Variants in DMD observed in about 807,000 individuals in gnomAD.
The protein encoded by DMD is dystrophin, also known as mutant dystrophin.
Under a neutral mutation model 330.1 loss-of-function variants are expected in DMD, and 63 were observed. The ratio of observed to expected loss-of-function variants is 0.19; its 90% CI spans 0.16 to 0.24. The LOEUF is 0.24. Among genes scored for constraint, DMD ranks in the 10% least tolerant of loss-of-function variants. DMD has a pLI of 1.00. For synonymous variants in DMD, 1,223 were observed against 959.8 expected (o/e 1.27, Z -5.07); for missense variants, 3,344 against 2,684.1 (o/e 1.25, Z -5.43).
At chrX:31,255,916 C>T (rs761959486) in intron 63 of DMD, among the ~76,000 whole-genome samples, 1 of 108,791 alleles carries the variant, frequency 9.2e-6, no homozygotes, top group South Asian at 4.2e-4. Flanking sequence ...GCTGGGATTA[C>T]AGGCATGTGC....
intron 15 of DMD, among the ~76,000 whole-genome samples, chrX:32,566,151 T>C (rs752864993): frequency 3.5e-4 from 39 of 112,018 alleles, no homozygotes; most frequent in African/African-American, 1.1e-3. Context: ...CTTGAAATAT[T>C]TGAAGAAAAT....
chrX:32,543,092 G>A (rs757771551), intron 17 of DMD, among the ~76,000 whole-genome samples: 9 of 111,721 alleles, frequency 8.1e-5, no homozygotes, highest in Non-Finnish European at 1.3e-4. Context: ...TATTTTGGGA[G>A]GTTACTGGGA....
In DMD at chrX:32,255,962, A is replaced by C. The variant is rs141357136; in HGVS notation, c.6290+31567T>G. On this transcript the variant is annotated intron_variant, in intron 43 of 78. Coordinates refer to ENST00000357033, the MANE Select transcript of DMD (RefSeq NM_004006.3). ...AACTGTGAAATCATTTGTCCTCCAA[A>C]AGCTTGGATTTAAAATATAACAGAT... Among the ~76,000 whole-genome samples, 613 of 111,635 alleles carry C rather than the reference A, an allele frequency of 5.5e-3. 2 individuals are homozygous for C. Among genetic ancestry groups the C allele is most frequent in the African/African-American group, 0.019 (592 of 30,751 alleles).
intron 12 of DMD, among the ~76,000 whole-genome samples, chrX:32,611,324 T>C (rs1413749431): frequency 9.0e-6 from 1 of 111,125 alleles, no homozygotes; most frequent in Non-Finnish European, 1.9e-5. Context: ...CAATGCCTTC[T>C]GGCCTCTTTA....
chrX:31,321,734 C>T (rs2056449581), intron 62 of DMD, among the ~76,000 whole-genome samples: 1 of 110,243 alleles, frequency 9.1e-6, no homozygotes, highest in Non-Finnish European at 1.9e-5. Flanking sequence ...TAGATCTGTG[C>T]CCTTATCAAT....
intron 21 of DMD, among the ~76,000 whole-genome samples, chrX:32,473,317 A>G (rs2040860401): frequency 9.0e-6 from 1 of 111,601 alleles, no homozygotes; most frequent in African/African-American, 3.3e-5. Flanking sequence ...AATACCTGGA[A>G]TGAAGCATGG....
intron 45 of DMD, among the ~76,000 whole-genome samples, chrX:31,958,323 T>A (rs2150133878): frequency 9.0e-6 from 1 of 110,798 alleles, no homozygotes; most frequent in Non-Finnish European, 1.9e-5. Flanking sequence ...TTCAAATAAA[T>A]GCTGTATTCA....
intron 44 of DMD, among the ~76,000 whole-genome samples, chrX:32,053,140 G>A (rs1282201758): frequency 1.8e-5 from 2 of 111,511 alleles, no homozygotes; most frequent in Non-Finnish European, 3.8e-5. Flanking sequence ...AAAAGAAGGT[G>A]TAATAGTTAG....
At chrX:31,947,752 G>T (rs982421749) in intron 45 of DMD, among the ~76,000 whole-genome samples, 3 of 111,509 alleles carry the variant, frequency 2.7e-5, no homozygotes, top group African/African-American at 9.8e-5. Context: ...TGGGATATAA[G>T]CATACAACCA....
At chrX:31,462,588 G>A (rs769079809) in intron 59 of DMD, among the ~76,000 whole-genome samples, 1 of 111,794 alleles carries the variant, frequency 8.9e-6, no homozygotes, top group Non-Finnish European at 1.9e-5. Flanking sequence ...CATACTTGCT[G>A]GGCTCTTTCT....
chrX:31,867,151 A>AATTAAC (rs2093813654), intron 48 of DMD, among the ~76,000 whole-genome samples: 1 of 108,035 alleles, frequency 9.3e-6, no homozygotes, highest in Non-Finnish European at 1.9e-5. Context: ...CGGTCAAACT[A>AATTAAC]ATTAACATTT....
chrX:32,236,575 C>A (rs1401817108), intron 43 of DMD, among the ~76,000 whole-genome samples: 2 of 111,239 alleles, frequency 1.8e-5, no homozygotes, highest in African/African-American at 6.5e-5. Context: ...CCATGCTGTT[C>A]TCGTGATAGT....
At chrX:31,558,940 T>C (rs2088421034) in intron 55 of DMD, among the ~76,000 whole-genome samples, 2 of 111,559 alleles carry the variant, frequency 1.8e-5, no homozygotes, top group Admixed American at 1.9e-4. Context: ...CCAAAGGAGT[T>C]CGTACAAATC....
At chrX:32,317,676 C>T (rs2097587713) in intron 41 of DMD, among the ~76,000 whole-genome samples, 1 of 110,938 alleles carries the variant, frequency 9.0e-6, no homozygotes, top group Admixed American at 9.7e-5. Flanking sequence ...GTCAAAGAAA[C>T]TCAAGAAGAA....
At chrX:32,533,099 ACTTTT>A (rs2047632635) in intron 17 of DMD, among the ~76,000 whole-genome samples, 1 of 110,969 alleles carries the variant, frequency 9.0e-6, no homozygotes, top group Admixed American at 9.6e-5. Context: ...TTTAGAGAAA[ACTTTT>A]CTTTCCCCCT....
chrX:31,911,488 T>A (rs1470804873), intron 47 of DMD, among the ~76,000 whole-genome samples: 2 of 98,882 alleles, frequency 2.0e-5, no homozygotes, highest in Non-Finnish European at 3.9e-5. Context: ...ATCATTTTAA[T>A]GAGCATTTCT....
At chrX:32,477,578 C>T (rs1339147289) in intron 21 of DMD, among the ~76,000 whole-genome samples, 1 of 110,669 alleles carries the variant, frequency 9.0e-6, no homozygotes, top group Non-Finnish European at 1.9e-5. Context: ...AAATTAGATG[C>T]TACATTTTCT....
chrX:32,039,774 A>G lies in DMD; in HGVS notation c.6439-71260T>C, dbSNP rs1331164051. Among the ~76,000 whole-genome samples, 3 of 111,615 alleles carry G rather than the reference A, an allele frequency of 2.7e-5. No individual in the cohort carries two copies. In the East Asian group the frequency reaches 8.4e-4, roughly 31 times the overall value. ...CCCTCTGTCTAGTTGAAACTTTGTA[A>G]TCTTTGAACAGTAACTCTCTATTCC... On this transcript the variant is annotated intron_variant, in intron 44 of 78. Transcript: ENST00000357033.
At chrX:33,173,314 C>A (rs937525710) in intron 1 of DMD, among the ~76,000 whole-genome samples, 3 of 111,348 alleles carry the variant, frequency 2.7e-5, no homozygotes, top group Non-Finnish European at 1.9e-5. Flanking sequence ...CAACTAAAAT[C>A]ATGAATTTAT....
Sources: gnomAD v4.1 joint callset for allele counts (sites outside exome capture counted in the v4.1 genomes callset) on GRCh38, gnomAD v4.1.1 for gene constraint, MANE v1.5 for transcripts, NCBI Gene and HGNC (gene_info 2026-07-23, HGNC 2026-07-21) for gene names.